Variants in GRIN2B observed in about 807,000 individuals in gnomAD.
GRIN2B encodes the protein glutamate receptor ionotropic, NMDA 2B.
GRIN2B carries 5 observed loss-of-function variants against 114.5 expected under a neutral mutation model. The ratio of observed to expected loss-of-function variants is 0.04; its 90% CI spans 0.02 to 0.09. GRIN2B has a LOEUF of 0.09. Ranked by LOEUF, GRIN2B falls within the 10% of genes least tolerant of loss-of-function variation. GRIN2B has a pLI of 1.00. For synonymous variants in GRIN2B, 787 were observed against 745.1 expected, an observed-to-expected ratio of 1.06 and a Z score of -0.92; for missense variants, 1,108 against 1,943.5, an observed-to-expected ratio of 0.57 and a Z score of 8.08.
intron 4 of GRIN2B, among the ~76,000 whole-genome samples, chr12:13,709,896 C>A (rs1950398067): frequency 6.6e-6 from 1 of 151,934 alleles, no homozygotes; most frequent in Non-Finnish European, 1.5e-5. Flanking sequence ...ATGTACCTAT[C>A]CTATAACCAA....
chr12:13,818,302 A>G (rs1864868552), intron 3 of GRIN2B, among the ~76,000 whole-genome samples: 1 of 152,208 alleles, frequency 6.6e-6, no homozygotes, highest in Admixed American at 6.5e-5. Flanking sequence ...ACTGGAACCA[A>G]AGGCCATTCC....
At chr12:13,818,265 G>A (rs1000503623) in intron 3 of GRIN2B, among the ~76,000 whole-genome samples, 37 of 152,156 alleles carry the variant, frequency 2.4e-4, no homozygotes, top group African/African-American at 8.0e-4. Flanking sequence ...AGGAGCCAGC[G>A]ACCCAGTGGG....
chr12:13,902,881 C>G (rs572096773), intron 2 of GRIN2B, among the ~76,000 whole-genome samples: 1 of 152,000 alleles, frequency 6.6e-6, no homozygotes, highest in South Asian at 2.1e-4. Context: ...GCTAACTAAG[C>G]CTGGCACACT....
intron 2 of GRIN2B, among the ~76,000 whole-genome samples, chr12:13,923,929 A>T (rs1467427581): frequency 6.6e-6 from 1 of 152,180 alleles, no homozygotes; most frequent in African/African-American, 2.4e-5. Flanking sequence ...AGAATAAGAA[A>T]GCTACTCCAA....
At chr12:13,970,686 A>AACAC (rs5796570) in intron 2 of GRIN2B, among the ~76,000 whole-genome samples, 22,042 of 144,926 alleles carry the variant, frequency 0.15, 1,711 homozygotes, top group African/African-American at 0.17. Flanking sequence ...GCAGGCTCTA[A>AACAC]ACACACACAC....
chr12:13,693,649 C>T (rs1010490363), intron 4 of GRIN2B, among the ~76,000 whole-genome samples: 3 of 152,090 alleles, frequency 2.0e-5, no homozygotes, highest in Non-Finnish European at 2.9e-5. Context: ...GACAGGGATT[C>T]AATATCCCTG....
At chr12:13,655,129 G>C (rs1022634090) in intron 5 of GRIN2B, among the ~76,000 whole-genome samples, 1 of 152,060 alleles carries the variant, frequency 6.6e-6, no homozygotes, top group African/African-American at 2.4e-5. Context: ...TTAGTAGGGT[G>C]GTAGTTGCAT....
intron 2 of GRIN2B, among the ~76,000 whole-genome samples, chr12:13,905,051 C>G (rs1391684119): frequency 6.6e-6 from 1 of 152,038 alleles, no homozygotes; most frequent in Non-Finnish European, 1.5e-5. Context: ...GGTAGATAAA[C>G]AGAGATATTT....
At chr12:13,613,476 G>T (rs532740364) in intron 8 of GRIN2B, among the ~76,000 whole-genome samples, 1 of 152,096 alleles carries the variant, frequency 6.6e-6, no homozygotes, top group South Asian at 2.1e-4. Flanking sequence ...CTCAGAAAGT[G>T]TCAGGGTCAG....
intron 4 of GRIN2B, among the ~76,000 whole-genome samples, chr12:13,712,765 G>A (rs752400028): frequency 1.1e-4 from 16 of 151,786 alleles, no homozygotes; most frequent in East Asian, 1.9e-4. Flanking sequence ...AGTATAGGGC[G>A]TATGTTTTCT....
intron 5 of GRIN2B, among the ~76,000 whole-genome samples, chr12:13,620,814 G>A (rs1327462139): frequency 6.6e-6 from 1 of 151,846 alleles, no homozygotes; most frequent in Non-Finnish European, 1.5e-5. Context: ...TTTTGAAGGG[G>A]TGGCAGTATC....
At chr12:13,817,883 G>A (rs377685567) in intron 3 of GRIN2B, among the ~76,000 whole-genome samples, 1 of 152,302 alleles carries the variant, frequency 6.6e-6, no homozygotes. Context: ...GCAAAGCTGG[G>A]ATCAGTCAGA....
At chr12:13,706,313 C>T (rs1167514067) in intron 4 of GRIN2B, among the ~76,000 whole-genome samples, 1 of 152,116 alleles carries the variant, frequency 6.6e-6, no homozygotes, top group African/African-American at 2.4e-5. Context: ...TAAGAAATGC[C>T]ATTCTTCAAT....
At chr12:13,659,632 T>A (rs35222999) in intron 5 of GRIN2B, among the ~76,000 whole-genome samples, 89,754 of 150,996 alleles carry the variant, frequency 0.59, 27,224 homozygotes, top group Middle Eastern at 0.66. Context: ...ACAATTTTTT[T>A]AAAAAAAAAC....
At chr12:13,861,063 G>A (rs1865743286) in intron 3 of GRIN2B, among the ~76,000 whole-genome samples, 1 of 152,096 alleles carries the variant, frequency 6.6e-6, no homozygotes, top group Admixed American at 6.6e-5. Flanking sequence ...CAAAATGTAA[G>A]GTGTATAGGG....
intron 10 of GRIN2B, among the ~76,000 whole-genome samples, chr12:13,585,222 G>A (rs1362446296): frequency 1.3e-5 from 2 of 152,164 alleles, no homozygotes; most frequent in African/African-American, 2.4e-5. Flanking sequence ...TACGGTATCA[G>A]CATCTTCAGA....
At chr12:13,888,104 G>A (rs150259894) in intron 2 of GRIN2B, among the ~76,000 whole-genome samples, 1,579 of 152,146 alleles carry the variant, frequency 0.01, 30 homozygotes, top group African/African-American at 0.037. Context: ...TGAGTGGAAT[G>A]GACAGAATGT....
chr12:13,626,596 T>C (rs1366297541), intron 5 of GRIN2B, among the ~76,000 whole-genome samples: 3 of 152,328 alleles, frequency 2.0e-5, no homozygotes, highest in Non-Finnish European at 2.9e-5. Context: ...GTATGTGAAC[T>C]CATTCATTCA....
chr12:13,842,917 C>CTTTTTTT (rs201344138), intron 3 of GRIN2B, among the ~76,000 whole-genome samples: 4 of 103,214 alleles, frequency 3.9e-5, no homozygotes, highest in Non-Finnish European at 8.2e-5. Flanking sequence ...ATTGGTTTTT[C>CTTTTTTT]TTTTTTTTTT....
Sources: allele counts gnomAD v4.1 joint callset (sites outside exome capture counted in the v4.1 genomes callset), GRCh38; gene constraint gnomAD v4.1.1; transcripts MANE v1.5; gene names NCBI Gene and HGNC (gene_info 2026-07-23, HGNC 2026-07-21).